The following MAPK4 variants were observed in gnomAD, a reference collection of about 807,000 sequenced individuals.
The protein encoded by MAPK4 is Erk3-related.
Under a neutral mutation model 47.7 loss-of-function variants are expected in MAPK4, and 22 were observed. The observed-to-expected ratio is 0.46, with a 90% confidence interval of 0.33 to 0.66. MAPK4 has a LOEUF of 0.66. MAPK4 is among the 30% of genes least tolerant of loss of function. The pLI, the probability that MAPK4 is intolerant of heterozygous loss-of-function variation, is 0.02. For synonymous variants in MAPK4, 390 were observed against 365.7 expected, an observed-to-expected ratio of 1.07 and a Z score of -0.76; for missense variants, 736 against 831.7, an observed-to-expected ratio of 0.88 and a Z score of 1.42.
intron 1 of MAPK4, among the ~76,000 whole-genome samples, chr18:50,626,016 G>A (rs1217487338): frequency 6.6e-6 from 1 of 152,064 alleles, no homozygotes; most frequent in Non-Finnish European, 1.5e-5. Flanking sequence ...TGGCAGGCTG[G>A]AAACCCAGGA....
intron 1 of MAPK4, among the ~76,000 whole-genome samples, chr18:50,608,084 TA>T: frequency 6.6e-6 from 1 of 152,236 alleles, no homozygotes; most frequent in South Asian, 2.1e-4. Flanking sequence ...GAGCATTACA[TA>T]ACCAATTACA....
chr18:50,668,274 C>T (rs2144269179), intron 2 of MAPK4, among the ~76,000 whole-genome samples: 1 of 152,276 alleles, frequency 6.6e-6, no homozygotes, highest in East Asian at 1.9e-4. Flanking sequence ...TCTTATTCGC[C>T]CACCCAGCAG....
chr18:50,655,091 C>T (rs1028473091), intron 1 of MAPK4, among the ~76,000 whole-genome samples: 3 of 152,210 alleles, frequency 2.0e-5, no homozygotes, highest in Non-Finnish European at 4.4e-5. Context: ...CTGTTTCTTT[C>T]TCAGCAGTGT....
chr18:50,718,738 TATG>T lies in MAPK4; in HGVS notation c.692-3197_692-3195del, dbSNP rs1241155728. Among the ~76,000 whole-genome samples, 9 of 152,278 alleles carry T rather than the reference TATG, an allele frequency of 5.9e-5. No individual in the cohort carries two copies. The East Asian group carries it at 1.4e-3, about 23-fold the overall frequency. ...ATGCTATATATAAAACATATATTAA[TATG>T]ATATGTTAATATTAATTATATGTTA... On this transcript the variant is annotated intron_variant, in intron 3 of 5. Transcript: ENST00000400384.
intron 1 of MAPK4, among the ~76,000 whole-genome samples, chr18:50,581,646 G>A (rs915704634): frequency 1.5e-4 from 23 of 152,322 alleles, no homozygotes; most frequent in African/African-American, 5.5e-4. Flanking sequence ...CACAAAGCAG[G>A]TGAGCAGAAG....
At chr18:50,561,803 G>T (rs547547034) in intron 1 of MAPK4, among the ~76,000 whole-genome samples, 4 of 152,192 alleles carry the variant, frequency 2.6e-5, no homozygotes, top group South Asian at 4.2e-4. Context: ...TAGTAAAAAG[G>T]CTTGCTCTGG....
intron 2 of MAPK4, chr18:50,705,628 T>A (rs1380217366): frequency 6.6e-6 from 1 of 152,104 alleles, no homozygotes; most frequent in Non-Finnish European, 1.5e-5. Flanking sequence ...GAGAGAAAAG[T>A]TTGCTAGGAG....
intron 2 of MAPK4, among the ~76,000 whole-genome samples, chr18:50,708,497 ACAT>A (rs1403152010): frequency 5.9e-5 from 9 of 152,252 alleles, no homozygotes; most frequent in Non-Finnish European, 1.3e-4. Flanking sequence ...CTGAACCGCA[ACAT>A]CAGCATCACC....
chr18:50,654,041 T>C (rs1000720854), intron 1 of MAPK4, among the ~76,000 whole-genome samples: 1 of 152,194 alleles, frequency 6.6e-6, no homozygotes, highest in African/African-American at 2.4e-5. Flanking sequence ...TGATTATCAA[T>C]GTCTGCCATA....
chr18:50,605,965 C>T (rs2042579791), intron 1 of MAPK4, among the ~76,000 whole-genome samples: 1 of 150,758 alleles, frequency 6.6e-6, no homozygotes, highest in Non-Finnish European at 1.5e-5. Context: ...GCTTGGTCCA[C>T]ATGCTTTGGC....
intron 1 of MAPK4, among the ~76,000 whole-genome samples, chr18:50,617,601 C>T (rs1598831126): frequency 1.3e-5 from 2 of 152,122 alleles, no homozygotes; most frequent in South Asian, 2.1e-4. Flanking sequence ...GTGGTTGTAC[C>T]GACCTGTAGG....
intron 2 of MAPK4, among the ~76,000 whole-genome samples, chr18:50,668,789 CAA>C (rs1406731301): frequency 6.6e-6 from 1 of 152,158 alleles, no homozygotes; most frequent in Non-Finnish European, 1.5e-5. Flanking sequence ...TCACAGATGA[CAA>C]AACTGGAAGG....
chr18:50,730,262 G>T lies in MAPK4; in HGVS notation c.*408G>T. ...AAAGGCAATTAGGCCCAGAGAGGCA[G>T]AGACACTCGCTTAAGATCACAGGCT... On this transcript the variant is annotated 3_prime_UTR_variant, in exon 6 of 6. Coordinates refer to ENST00000400384, the MANE Select transcript of MAPK4 (RefSeq NM_002747.4). 1 of 160,736 alleles carries T rather than the reference G, an allele frequency of 6.2e-6. No homozygotes were observed. 10.0% of individuals were successfully genotyped at this position (160,736 alleles called of 1,614,324 possible).
At chr18:50,727,096 G>A (rs1911242707) in intron 5 of MAPK4, among the ~76,000 whole-genome samples, 1 of 152,188 alleles carries the variant, frequency 6.6e-6, no homozygotes, top group Non-Finnish European at 1.5e-5. Flanking sequence ...ATCAGCGTTG[G>A]GTAGAAGATG....
intron 2 of MAPK4, among the ~76,000 whole-genome samples, chr18:50,710,309 T>C (rs1231717394): frequency 6.6e-6 from 1 of 151,540 alleles, no homozygotes; most frequent in African/African-American, 2.4e-5. Flanking sequence ...GTGGCAAAAC[T>C]CTGTCTCTAC....
chr18:50,633,482 CAG>C (rs948996866), intron 1 of MAPK4, among the ~76,000 whole-genome samples: 1 of 152,168 alleles, frequency 6.6e-6, no homozygotes, highest in Non-Finnish European at 1.5e-5. Context: ...AGTCCTGGCG[CAG>C]AGACTGTTCT....
chr18:50,667,338 A>C (rs1001837075), intron 2 of MAPK4, among the ~76,000 whole-genome samples: 1 of 152,210 alleles, frequency 6.6e-6, no homozygotes, highest in South Asian at 2.1e-4. Context: ...TGTATTGAAC[A>C]GATGGAAGAA....
rs887662159 is a variant in MAPK4 at position 50,729,465 on chromosome 18, G to C, written c.1375G>C (p.Asp459His). The change falls in exon 6 of 6, where the codon GAC becomes CAC. Residue 459 changes from aspartate (D) to histidine (H), a missense_variant. Asp to His is a moderately conservative substitution (Grantham distance 81). Coordinates refer to ENST00000400384, the MANE Select transcript of MAPK4 (RefSeq NM_002747.4). ...CTACTCGGAGCCCAAGCTCATCCTG[G>C]ACCTGTCGCACTGGAAGCAGGCGGC... ...HHYSEPKLIL[D>H]LSHWKQAAGA... 6.0e-6 allele frequency: 9 copies of C among 1,504,420 alleles called. No homozygotes were observed. The highest frequency in any genetic ancestry group is 8.0e-6 in the Non-Finnish European group (9 of 1,120,818). The allele number at this position is 1,504,420 out of a possible 1,614,324, so 93.2% of individuals were successfully genotyped here.
At chr18:50,635,626 G>A (rs2042878809) in intron 1 of MAPK4, among the ~76,000 whole-genome samples, 1 of 152,280 alleles carries the variant, frequency 6.6e-6, no homozygotes, top group African/African-American at 2.4e-5. Context: ...CTGTTGTTAG[G>A]AGACCAAACT....
Sources: gnomAD v4.1 joint callset for allele counts (sites outside exome capture counted in the v4.1 genomes callset) on GRCh38, gnomAD v4.1.1 for gene constraint, MANE v1.5 for transcripts, NCBI Gene and HGNC (gene_info 2026-07-23, HGNC 2026-07-21) for gene names.